Variants in ARHGAP1 observed in about 807,000 individuals in gnomAD.
ARHGAP1 encodes Rho GTPase activating protein 1.
In ARHGAP1, 23 loss-of-function variants were observed where a neutral mutation model predicts 52.2. The observed-to-expected ratio is 0.44, with a 90% CI of 0.32 to 0.62. The LOEUF (loss-of-function observed/expected upper bound fraction) is 0.62, where lower values mean the gene tolerates loss of function less well. ARHGAP1 is among the 20% of genes least tolerant of loss of function. The pLI, the probability that ARHGAP1 is intolerant of heterozygous loss-of-function variation, is 0.05. For synonymous variants in ARHGAP1, 210 were observed against 228.4 expected, an observed-to-expected ratio of 0.92 and a Z score of 0.73; for missense variants, 480 against 560.9, an observed-to-expected ratio of 0.86 and a Z score of 1.46.
chr11:46,679,578 A>C lies in ARHGAP1; in HGVS notation c.1027+70T>G, dbSNP rs1223144218. The C allele has an allele frequency of 2.5e-6, 4 of 1,609,430 alleles. No individual in the cohort carries two copies. The highest frequency in any genetic ancestry group is 2.5e-6 in the Non-Finnish European group (3 of 1,177,310). ...CAGCAGTCTTCCCTGGGAGGCGCCT[A>C]GGCCCGAAAGCCTGCAGCGCACCTG... is the stretch of plus-strand genomic sequence containing the variant. On this transcript the variant is annotated intron_variant, in intron 11 of 12. Coordinates refer to ENST00000311956, the MANE Select transcript of ARHGAP1 (RefSeq NM_004308.5). This position sits in a 1 kb window ranked among gnomAD's most constrained non-coding sequence, Gnocchi z 4.4.
chr11:46,696,195 C>T lies in ARHGAP1; in HGVS notation c.-49-39G>A, dbSNP rs2064653177. 2 of 1,425,458 alleles carry T rather than the reference C, an allele frequency of 1.4e-6. No individual in the cohort carries two copies. The highest frequency in any genetic ancestry group is 1.3e-5 in the South Asian group (1 of 78,104). 88.3% of individuals were successfully genotyped at this position (1,425,458 alleles called of 1,614,324 possible). A position where few individuals can be genotyped will look rare whatever the true frequency, so the allele number is the denominator to read the frequency against. ...AGACAGGTGGCAGGTCAGTGACCTG[C>T]TCTTTTCACCTTCTGCGACCTCCAC... On this transcript the variant is annotated intron_variant, in intron 1 of 12. Coordinates refer to ENST00000311956, the MANE Select transcript of ARHGAP1 (RefSeq NM_004308.5). This position sits in a 1 kb window ranked among gnomAD's most constrained non-coding sequence, Gnocchi z 4.8.
Position 46,679,529 on chromosome 11 carries a change from G to A in ARHGAP1, c.1028-61C>T. 1 of 1,608,206 alleles carries A rather than the reference G, an allele frequency of 6.2e-7. No homozygotes were observed. Among genetic ancestry groups the A allele is most frequent in the Non-Finnish European group, 8.5e-7 (1 of 1,175,816 alleles). On this transcript the variant is annotated intron_variant, in intron 11 of 12. Coordinates refer to ENST00000311956, the MANE Select transcript of ARHGAP1 (RefSeq NM_004308.5). The surrounding 1 kb of genome is among the most constrained non-coding windows in gnomAD (Gnocchi z 4.4). ...AGGCTGGGCTGGTTCAGGACGCTCT[G>A]ATGCAGGCTAGAGGGGAGACCCCCA...
At chr11:46,698,229 A>G (rs1271465504) in intron 1 of ARHGAP1, among the ~76,000 whole-genome samples, 1 of 152,222 alleles carries the variant, frequency 6.6e-6, no homozygotes, top group Non-Finnish European at 1.5e-5. Flanking sequence ...CCTCCTCTGT[A>G]GAGGCAATGG....
intron 1 of ARHGAP1, among the ~76,000 whole-genome samples, chr11:46,698,265 G>A (rs1434914615): frequency 1.3e-5 from 2 of 152,152 alleles, no homozygotes; most frequent in Non-Finnish European, 2.9e-5. Context: ...TAATTCTCCA[G>A]TGTTCAGAAA....
intron 4 of ARHGAP1, among the ~76,000 whole-genome samples, chr11:46,685,863 A>T (rs1389737703): frequency 6.6e-6 from 1 of 150,390 alleles, no homozygotes; most frequent in Non-Finnish European, 1.5e-5. Context: ...TTTAGTAGAG[A>T]TGAGGTTTCA....
chr11:46,684,693 T>TATAA (rs1441312941), intron 4 of ARHGAP1, among the ~76,000 whole-genome samples: 3 of 152,228 alleles, frequency 2.0e-5, no homozygotes, highest in African/African-American at 7.2e-5. Context: ...AGTACGCTTA[T>TATAA]ATTTTATTCA....
At chr11:46,695,863 C>A in intron 2 of ARHGAP1, 108 bp from the exon 3 acceptor site, 1 of 1,597,272 alleles carries the variant, frequency 6.3e-7, no homozygotes, top group Non-Finnish European at 8.6e-7. Context: ...GCTCCCAGCC[C>A]AAACCTGGGA....
Position 46,679,494 on chromosome 11 carries a change from T to TAG in ARHGAP1, c.1028-28_1028-27dup. The stretch of plus-strand genomic sequence containing the variant: ...CTATGAGGAAAGGAGGCCCGGGTTA[T>TAG]AGGGGCCCTAGGCTGGGCTGGTTCA... On this transcript the variant is annotated intron_variant, in intron 11 of 12. Coordinates refer to ENST00000311956, the MANE Select transcript of ARHGAP1 (RefSeq NM_004308.5). The surrounding 1 kb of genome is among the most constrained non-coding windows in gnomAD (Gnocchi z 4.4). The TAG allele has an allele frequency of 6.2e-7, 1 of 1,611,834 alleles. No individual in the cohort carries two copies. The highest frequency in any genetic ancestry group is 8.5e-7 in the Non-Finnish European group (1 of 1,178,200).
At chr11:46,695,162 A>G (rs1291702544) in intron 3 of ARHGAP1, 1 of 338,178 alleles carries the variant, frequency 3.0e-6, no homozygotes, top group African/African-American at 2.1e-5. Flanking sequence ...ACCCACTCTC[A>G]GCAGGGCAGC....
intron 4 of ARHGAP1, among the ~76,000 whole-genome samples, chr11:46,682,809 G>A (rs1003203752): frequency 1.3e-5 from 2 of 152,312 alleles, no homozygotes; most frequent in Middle Eastern, 6.8e-3. Flanking sequence ...CCCTGAATCA[G>A]GGATTTCTCT....
At chr11:46,682,934 C>G (rs1237090321) in intron 4 of ARHGAP1, among the ~76,000 whole-genome samples, 1 of 152,182 alleles carries the variant, frequency 6.6e-6, no homozygotes, top group East Asian at 1.9e-4. Context: ...GATGTAATCC[C>G]CATCCTACAA....
Position 46,696,730 on chromosome 11 carries a change from G to T in ARHGAP1, c.-49-574C>A, listed in dbSNP as rs952405764. Among the ~76,000 whole-genome samples the T allele has an allele frequency of 5.3e-5, 8 of 152,142 alleles. No individual in the cohort carries two copies. The highest frequency in any genetic ancestry group is 1.2e-4 in the Non-Finnish European group (8 of 68,024). Reference sequence around the variant, plus strand: ...CTAAAAATACAAAAACTAGCTGGGCGTGGTGGCAGGCATCTGTAATCCCAG... The same window carrying T: ...CTAAAAATACAAAAACTAGCTGGGCTTGGTGGCAGGCATCTGTAATCCCAG... On this transcript the variant is annotated intron_variant, in intron 1 of 12. Transcript: ENST00000311956. The surrounding 1 kb of genome is among the most constrained non-coding windows in gnomAD (Gnocchi z 4.8).
Position 46,682,195 on chromosome 11 carries a change from A to G in ARHGAP1, c.318-13T>C. 6.2e-7 allele frequency: 1 copy of G among 1,613,786 alleles called. No individual in the cohort carries two copies. The highest frequency in any genetic ancestry group is 8.5e-7 in the Non-Finnish European group (1 of 1,179,800). On this transcript the variant is annotated splice_polypyrimidine_tract_variant and intron_variant, in intron 4 of 12. Transcript: ENST00000311956. ...GTGCTTCAGGTACCTTCCAGGGAAA[A>G]GCCCTGCTCAGGCCTGCCCTGTGCA...
intron 3 of ARHGAP1, among the ~76,000 whole-genome samples, chr11:46,688,919 AC>A (rs759375443): frequency 2.2e-4 from 33 of 151,978 alleles, no homozygotes; most frequent in Non-Finnish European, 4.6e-4. Context: ...ACCCATCTCT[AC>A]CAAAAATACA....
chr11:46,683,378 G>A (rs1392812026), intron 4 of ARHGAP1, among the ~76,000 whole-genome samples: 2 of 152,076 alleles, frequency 1.3e-5, no homozygotes, highest in East Asian at 3.9e-4. Context: ...GGACAGCTTT[G>A]CCTTCTACAC....
chr11:46,695,681 G>A lies in ARHGAP1; in HGVS notation c.208C>T (p.His70Tyr). ...TTACCTGCCACCTCCACGATCTGGT[G>A]CCGGGCGATGTCATAGTATGGGTCA... ...WDDPYYDIAR[H>Y]QIVEVAGDDK... The change falls in exon 3 of 13, where the codon CAC (histidine) becomes TAC (tyrosine). Residue 70 changes from histidine to tyrosine, a missense_variant. Transcript: ENST00000311956. 1.3e-6 allele frequency: 2 copies of A among 1,551,902 alleles called. No individual in the cohort carries two copies. The highest frequency in any genetic ancestry group is 1.7e-4 in the Middle Eastern group (1 of 5,994).
intron 1 of ARHGAP1, among the ~76,000 whole-genome samples, chr11:46,700,022 T>C (rs186750493): frequency 6.6e-6 from 1 of 151,810 alleles, no homozygotes; most frequent in African/African-American, 2.4e-5. Flanking sequence ...ATACAAAAAT[T>C]AGCCGGGCGT....
At position 46,680,721 on chromosome 11, in the gene ARHGAP1, T is replaced by G; in HGVS notation, c.662A>C (p.Gln221Pro). Reference sequence around the variant, plus strand: ...CTTGGGGGCTGTCGCGGGGCTCTTCTGTGTGGATTTCAGGAAGTCGTCATA... The same window carrying G: ...CTTGGGGGCTGTCGCGGGGCTCTTCGGTGTGGATTTCAGGAAGTCGTCATA... ...LKYDDFLKST[Q>P]KSPATAPKPM... The change falls in exon 8 of 13, where the codon CAG becomes CCG. Residue 221 changes from glutamine to proline, a missense_variant. Transcript: ENST00000311956. The surrounding 1 kb of genome is among the most constrained non-coding windows in gnomAD (Gnocchi z 5.9). 1 of 1,563,200 alleles carries G rather than the reference T, an allele frequency of 6.4e-7. No homozygotes were observed. Among genetic ancestry groups the G allele is most frequent in the Non-Finnish European group, 8.7e-7 (1 of 1,155,772 alleles).
chr11:46,696,288 T>A lies in ARHGAP1; in HGVS notation c.-49-132A>T, dbSNP rs1466064764. On this transcript the variant is annotated intron_variant, in intron 1 of 12. Coordinates refer to ENST00000311956, the MANE Select transcript of ARHGAP1 (RefSeq NM_004308.5). This position sits in a 1 kb window ranked among gnomAD's most constrained non-coding sequence, Gnocchi z 4.8. ...TGTCCCTATTCCTCAACACTCCTCA[T>A]CCCCGCCAAGAGCTCCACGTAGCTC... The A allele has an allele frequency of 1.4e-5, 9 of 622,140 alleles. No individual in the cohort carries two copies. The highest frequency in any genetic ancestry group is 2.5e-5 in the Non-Finnish European group (9 of 364,646). 38.5% of individuals were successfully genotyped at this position (622,140 alleles called of 1,614,324 possible).
Sources: gnomAD v4.1 joint callset for allele counts (sites outside exome capture counted in the v4.1 genomes callset) on GRCh38, gnomAD v4.1.1 for gene constraint, Gnocchi (gnomAD v3.1) non-coding constraint, MANE v1.5 for transcripts, NCBI Gene and HGNC (gene_info 2026-07-23, HGNC 2026-07-21) for gene names.